PALD1: variants seen among roughly 807,000 people sequenced by gnomAD.
The protein encoded by PALD1 is paladin.
PALD1 carries 57 observed loss-of-function variants against 96.0 expected under a neutral mutation model. The ratio of observed to expected loss-of-function variants is 0.59; its 90% CI spans 0.48 to 0.74. The LOEUF (loss-of-function observed/expected upper bound fraction) is 0.74. Ranked by LOEUF, PALD1 falls within the 30% of genes least tolerant of loss-of-function variation. PALD1 has a pLI of 0.00. For missense variants in PALD1, 1,063 were observed against 1,143.7 expected (o/e 0.93, Z 1.02); for synonymous variants, 464 against 473.6 (o/e 0.98, Z 0.26).
At chr10:70,467,201 C>T in the PALD1 span, among the ~76,000 whole-genome samples, 1 of 152,074 alleles carries the variant, frequency 6.6e-6, no homozygotes, top group African/African-American at 2.4e-5. Flanking sequence ...CTTCTTGACC[C>T]CCTTGGGAAA....
chr10:70,538,271 G>A lies in PALD1; in HGVS notation c.1324-9G>A, dbSNP rs1294313662. The stretch of plus-strand genomic sequence containing the variant: ...CCTGAATTCCTCGTCTCTCTGCCTC[G>A]GGCTGCAGTACCCGCTGGCCTTTGC... On this transcript the variant is annotated splice_polypyrimidine_tract_variant and intron_variant, in intron 11 of 19. Transcript: ENST00000263563. 1.9e-6 allele frequency: 3 copies of A among 1,600,682 alleles called. No individual in the cohort carries two copies. The highest frequency in any genetic ancestry group is 1.7e-5 in the Admixed American group (1 of 60,012).
intron 1 of PALD1, among the ~76,000 whole-genome samples, chr10:70,493,900 G>A (rs1044292259): frequency 2.6e-5 from 4 of 152,172 alleles, no homozygotes; most frequent in African/African-American, 9.7e-5. Context: ...GCAGCTAGCA[G>A]ACCTTGTCAG....
chr10:70,495,295 T>C (rs1348931262), intron 1 of PALD1, among the ~76,000 whole-genome samples: 2 of 152,254 alleles, frequency 1.3e-5, no homozygotes, highest in African/African-American at 4.8e-5. Flanking sequence ...CATCACAATG[T>C]ATACAGTGTA....
intron 10 of PALD1, among the ~76,000 whole-genome samples, chr10:70,536,812 GTGAATCTCACT>G (rs1311597189): frequency 6.6e-6 from 1 of 152,318 alleles, no homozygotes; most frequent in East Asian, 1.9e-4. Flanking sequence ...TAGGGCCTCT[GTGAATCTCACT>G]TGAATCTCAC....
chr10:70,531,304 C>T lies in PALD1; in HGVS notation c.483C>T (p.Phe161=), dbSNP rs750397651. The change falls in exon 5 of 20, where the codon TTC becomes TTT. Residue 161 remains phenylalanine, a synonymous_variant. Transcript: ENST00000263563. ...GCTCCTGGCAGGAGTGTGTCATCTT[C>T]TGTGTGCGGGAGGAACCTGTGCTTT... ...QKDGHRECVI[F]CVREEPVLFL... is the part of the protein sequence containing the mutation. 5 of 1,613,240 alleles carry T rather than the reference C, an allele frequency of 3.1e-6. No individual in the cohort carries two copies. The highest frequency in any genetic ancestry group is 4.2e-6 in the Non-Finnish European group (5 of 1,179,346).
chr10:70,477,331 T>C (rs1444139175), upstream of PALD1, among the ~76,000 whole-genome samples: 4 of 152,234 alleles, frequency 2.6e-5, no homozygotes, highest in Non-Finnish European at 5.9e-5. Flanking sequence ...AGCCATCTTA[T>C]GGATGTAGAA....
intron 1 of PALD1, among the ~76,000 whole-genome samples, chr10:70,523,565 C>A (rs568336511): frequency 2.6e-5 from 4 of 152,284 alleles, no homozygotes; most frequent in Admixed American, 1.3e-4. Flanking sequence ...TCCCTCCCCT[C>A]TTTGAGCTGC....
At chr10:70,555,319 C>T (rs1847581658) in intron 18 of PALD1, among the ~76,000 whole-genome samples, 1 of 151,980 alleles carries the variant, frequency 6.6e-6, no homozygotes, top group Non-Finnish European at 1.5e-5. Context: ...TTTTGTGGTC[C>T]TCAGACAGAT....
At chr10:70,474,323 A>G (rs1183983253), upstream of PALD1, among the ~76,000 whole-genome samples, 1 of 152,086 alleles carries the variant, frequency 6.6e-6, no homozygotes, top group African/African-American at 2.4e-5. Flanking sequence ...CACTTTGGGC[A>G]GCCGAGGCAG....
upstream of PALD1, among the ~76,000 whole-genome samples, chr10:70,476,656 C>G (rs567721259): frequency 6.6e-6 from 1 of 152,284 alleles, no homozygotes; most frequent in East Asian, 1.9e-4. Context: ...TGACTGCAGG[C>G]TGTCCTGAGA....
At chr10:70,493,242 C>T (rs1340157031) in intron 1 of PALD1, among the ~76,000 whole-genome samples, 1 of 152,192 alleles carries the variant, frequency 6.6e-6, no homozygotes, top group Non-Finnish European at 1.5e-5. Flanking sequence ...GCCACAGCCT[C>T]TCAAAATGTT....
intron 1 of PALD1, among the ~76,000 whole-genome samples, chr10:70,479,742 A>C (rs985610115): frequency 6.6e-6 from 1 of 151,702 alleles, no homozygotes. Context: ...GGGCATCTCT[A>C]CTCTCCCAGC....
intron 1 of PALD1, among the ~76,000 whole-genome samples, chr10:70,487,492 G>T (rs1305070152): frequency 6.7e-6 from 1 of 148,238 alleles, no homozygotes; most frequent in African/African-American, 2.5e-5. Flanking sequence ...TATCTTCAAT[G>T]TTTTTTTTTT....
intron 12 of PALD1, 52 bp downstream of exon 12, chr10:70,538,460 GC>G: frequency 6.4e-7 from 1 of 1,569,306 alleles, no homozygotes; most frequent in Non-Finnish European, 8.7e-7. Context: ...ACTGGCCCTG[GC>G]CCCTAAACAC....
rs554766140 is a variant in PALD1, at chr10:70,540,079, G to A, written c.1908+317G>A. Among the ~76,000 whole-genome samples the A allele has an allele frequency of 6.6e-6, 1 of 152,072 alleles. No homozygotes were observed. Among genetic ancestry groups the A allele is most frequent in the South Asian group, 2.1e-4 (1 of 4,816 alleles). On this transcript the variant is annotated intron_variant, in intron 15 of 19. Transcript: ENST00000263563. The surrounding 1 kb of genome is among the most constrained non-coding windows in gnomAD (Gnocchi z 4.2). ...TGTGTGTACATGTGTTTATTATGTT[G>A]TAGGGTGTATGTGTGTGTATTGTGT...
At chr10:70,543,780 GC>G (rs1166289090) in intron 17 of PALD1, among the ~76,000 whole-genome samples, 1 of 152,116 alleles carries the variant, frequency 6.6e-6, no homozygotes, top group Non-Finnish European at 1.5e-5. Context: ...TTCACACCAG[GC>G]CCCGTGCTGG....
chr10:70,527,655 G>T (rs1463022639), intron 2 of PALD1, among the ~76,000 whole-genome samples: 1 of 152,188 alleles, frequency 6.6e-6, no homozygotes, highest in Non-Finnish European at 1.5e-5. Flanking sequence ...GTGAAAACTG[G>T]GTTTCAGGGA....
chr10:70,531,470 G>A lies in PALD1; in HGVS notation c.633+16G>A. 1 of 1,601,918 alleles carries A rather than the reference G, an allele frequency of 6.2e-7. No individual in the cohort carries two copies. Among genetic ancestry groups the A allele is most frequent in the Non-Finnish European group, 8.5e-7 (1 of 1,172,062 alleles). ...CCGGAAAGAGGTGAGGACCAGTGCG[G>A]TGTGCGGGAGACCCCAGCCCACAGC... On this transcript the variant is annotated intron_variant, in intron 5 of 19. Coordinates refer to ENST00000263563, the MANE Select transcript of PALD1 (RefSeq NM_014431.3).
intron 1 of PALD1, 44 bp from the exon 2 acceptor site, chr10:70,525,878 GA>G: frequency 6.5e-7 from 1 of 1,526,988 alleles, no homozygotes; most frequent in Non-Finnish European, 9.0e-7. Flanking sequence ...TCCTGCTGTG[GA>G]TTTTCCCATC....
Sources: gnomAD v4.1 joint callset for allele counts (sites outside exome capture counted in the v4.1 genomes callset) on GRCh38, gnomAD v4.1.1 for gene constraint, Gnocchi (gnomAD v3.1) non-coding constraint, MANE v1.5 for transcripts, NCBI Gene and HGNC (gene_info 2026-07-23, HGNC 2026-07-21) for gene names.